Variants in RBM46 observed in about 807,000 individuals in gnomAD.
RBM46 encodes the protein RNA binding motif protein 46.
Under a neutral mutation model 43.3 loss-of-function variants are expected in RBM46, and 12 were observed. That is an observed-to-expected ratio of 0.28 (90% CI 0.18 to 0.45). The LOEUF is 0.45. RBM46 is among the 20% of genes least tolerant of loss of function. RBM46 has a pLI of 1.00. For synonymous variants in RBM46, 205 were observed against 207.6 expected, an observed-to-expected ratio of 0.99 and a Z score of 0.11; for missense variants, 412 against 639.1, an observed-to-expected ratio of 0.64 and a Z score of 3.83.
chr4:154,797,776 T>C (rs1238822402), intron 2 of RBM46, 35 bp from the exon 3 acceptor site: 1 of 1,358,138 alleles, frequency 7.4e-7, no homozygotes, highest in Non-Finnish European at 1.0e-6. Flanking sequence ...AATATCCAAT[T>C]AGAATTTATG....
intron 1 of RBM46, among the ~76,000 whole-genome samples, chr4:154,795,351 G>A (rs1044625286): frequency 5.9e-5 from 9 of 152,060 alleles, no homozygotes; most frequent in African/African-American, 1.9e-4. Context: ...ACACCATGCT[G>A]TCCTTTTTAT....
rs752220611 is a variant in RBM46, at chr4:154,796,733, T to G, written c.-11-9T>G. 5.1e-6 allele frequency: 8 copies of G among 1,580,382 alleles called. No individual in the cohort carries two copies. The African/African-American group carries it at 9.5e-5, about 19-fold the overall frequency. On this transcript the variant is annotated splice_polypyrimidine_tract_variant and intron_variant, in intron 1 of 4. Transcript: ENST00000281722. ...TAAACTTAACCAGTGTTATTAAACT[T>G]TATTTTAGGAACTGCAACCATGAAT...
intron 1 of RBM46, among the ~76,000 whole-genome samples, chr4:154,784,768 T>C (rs1733677692): frequency 6.6e-6 from 1 of 152,212 alleles, no homozygotes; most frequent in Non-Finnish European, 1.5e-5. Flanking sequence ...TTTAGAACGC[T>C]TTGTAGTGTG....
chr4:154,820,561 T>C, intron 4 of RBM46: 1 of 501,716 alleles, frequency 2.0e-6, no homozygotes, highest in Non-Finnish European at 3.4e-6. Context: ...TTGTTAATTA[T>C]AGACTCATTA....
At chr4:154,813,281 C>T (rs1735271662) in intron 4 of RBM46, among the ~76,000 whole-genome samples, 1 of 152,072 alleles carries the variant, frequency 6.6e-6, no homozygotes. Flanking sequence ...GCTGAAATAT[C>T]TGTGTATATG....
chr4:154,798,409 G>T (rs1578910844), intron 3 of RBM46, 131 bp downstream of exon 3: 1 of 621,528 alleles, frequency 1.6e-6, no homozygotes, highest in East Asian at 3.0e-5. Context: ...GAGTAATGAA[G>T]TAAAATAAAT....
At position 154,797,812 on chromosome 4, in the gene RBM46, T is replaced by C. The variant is rs1471142214; in HGVS notation, c.153T>C (p.Gly51=). The C allele has an allele frequency of 6.6e-7, 1 of 1,521,824 alleles. No homozygotes were observed. Among genetic ancestry groups the C allele is most frequent in the East Asian group, 2.3e-5 (1 of 44,148 alleles). 94.3% of individuals were successfully genotyped at this position (1,521,824 alleles called of 1,614,324 possible). A position where few individuals can be genotyped will look rare whatever the true frequency, so the allele number is the denominator to read the frequency against. Residue 51 remains glycine, a splice_region_variant and synonymous_variant, in exon 3 of 5, where the codon GGT becomes GGC. Transcript: ENST00000281722. ...TGTCTTTTCATTTTTGTCGTTCAGG[T>C]TGGGAAGGTCCACCTCCACCTAGAG... ...GQRKFGGPPP[G]WEGPPPPRGC...
intron 4 of RBM46, among the ~76,000 whole-genome samples, chr4:154,826,305 A>G (rs1000195355): frequency 2.0e-5 from 3 of 152,078 alleles, no homozygotes; most frequent in African/African-American, 7.2e-5. Context: ...TAAAAATACA[A>G]AAATTAACTG....
intron 4 of RBM46, chr4:154,827,592 A>C: frequency 8.6e-7 from 1 of 1,166,666 alleles, no homozygotes; most frequent in Non-Finnish European, 1.1e-6. Flanking sequence ...TTTTTCTATA[A>C]TCAAAACTCC....
At chr4:154,811,282 G>T (rs1404844877) in intron 4 of RBM46, among the ~76,000 whole-genome samples, 1 of 152,100 alleles carries the variant, frequency 6.6e-6, no homozygotes, top group Non-Finnish European at 1.5e-5. Context: ...AAAGAGTATG[G>T]CATTTCGAGC....
intron 4 of RBM46, chr4:154,820,372 A>C (rs1358341609): frequency 2.6e-6 from 4 of 1,524,558 alleles, no homozygotes; most frequent in Admixed American, 4.0e-5. Flanking sequence ...GACAGGGAAC[A>C]CAATCTCTTC....
At chr4:154,820,080 A>G (rs891661521) in intron 4 of RBM46, among the ~76,000 whole-genome samples, 2 of 151,976 alleles carry the variant, frequency 1.3e-5, no homozygotes, top group Non-Finnish European at 2.9e-5. Context: ...CAGGGTAGTA[A>G]TATTTAGAAA....
At position 154,794,885 on chromosome 4, in the gene RBM46, T is replaced by C. The variant is rs537324842; in HGVS notation, c.-11-1857T>C. Among the ~76,000 whole-genome samples the C allele has an allele frequency of 1.2e-4, 17 of 142,970 alleles. 1 individual carries two copies. In the South Asian group the frequency reaches 3.4e-3, roughly 29 times the overall value. The allele number at this position is 142,970 out of a possible 152,430, so 93.8% of individuals were successfully genotyped here. On this transcript the variant is annotated intron_variant, in intron 1 of 4. Transcript: ENST00000281722. ...CCCTAAGTATTCTTACCTCTTATTA[T>C]TTGCTTTTTTTTTTTAATCATCTGT... is the stretch of plus-strand genomic sequence containing the variant.
At chr4:154,795,618 AT>A (rs927440061) in intron 1 of RBM46, among the ~76,000 whole-genome samples, 1 of 151,962 alleles carries the variant, frequency 6.6e-6, no homozygotes, top group Non-Finnish European at 1.5e-5. Flanking sequence ...TTTTAAACTT[AT>A]TTTTTAGAAG....
chr4:154,785,804 C>G (rs1299706546), intron 1 of RBM46, among the ~76,000 whole-genome samples: 1 of 152,072 alleles, frequency 6.6e-6, no homozygotes, highest in East Asian at 1.9e-4. Flanking sequence ...GGTTTGGGCC[C>G]TTGGTCTTTT....
At chr4:154,824,505 A>G (rs867413659) in intron 4 of RBM46, among the ~76,000 whole-genome samples, 6 of 152,122 alleles carry the variant, frequency 3.9e-5, no homozygotes, top group African/African-American at 1.4e-4. Flanking sequence ...ACAATGAAGT[A>G]ATAACCATAA....
At chr4:154,803,632 G>C (rs1734749202) in intron 4 of RBM46, among the ~76,000 whole-genome samples, 1 of 150,442 alleles carries the variant, frequency 6.6e-6, no homozygotes, top group South Asian at 2.1e-4. Context: ...GAACCCGGGG[G>C]GCGGAGCTTG....
intron 2 of RBM46, 44 bp downstream of exon 2, chr4:154,796,947 G>A (rs376280279): frequency 3.7e-5 from 57 of 1,541,108 alleles, no homozygotes; most frequent in African/African-American, 8.2e-5. Flanking sequence ...CTTTAACCTC[G>A]TCATGTAGAT....
At chr4:154,819,354 TA>T (rs1252355936) in intron 4 of RBM46, among the ~76,000 whole-genome samples, 1 of 152,178 alleles carries the variant, frequency 6.6e-6, no homozygotes, top group African/African-American at 2.4e-5. Flanking sequence ...TTTGTCTTCC[TA>T]GCTTCATTTG....
Sources: allele counts gnomAD v4.1 joint callset (sites outside exome capture counted in the v4.1 genomes callset), GRCh38; gene constraint gnomAD v4.1.1; transcripts MANE v1.5; gene names NCBI Gene and HGNC (gene_info 2026-07-23, HGNC 2026-07-21).